The following TMEM132D variants were observed in gnomAD, a reference collection of about 807,000 sequenced individuals.
TMEM132D encodes transmembrane protein 132D, also known as mature OL transmembrane protein.
In TMEM132D, 21 loss-of-function variants were observed where a neutral mutation model predicts 62.3. The observed-to-expected ratio is 0.34, with a 90% CI of 0.24 to 0.49. TMEM132D has a LOEUF of 0.49. TMEM132D is among the 20% of genes least tolerant of loss of function. TMEM132D has a pLI of 0.99. For synonymous variants in TMEM132D, 621 were observed against 575.6 expected, an observed-to-expected ratio of 1.08 and a Z score of -1.13; for missense variants, 1,346 against 1,402.8, an observed-to-expected ratio of 0.96 and a Z score of 0.65.
chr12:129,417,364 G>A (rs943803223), intron 3 of TMEM132D, among the ~76,000 whole-genome samples: 1 of 152,116 alleles, frequency 6.6e-6, no homozygotes, highest in Admixed American at 6.6e-5. Flanking sequence ...GTAGACCAAT[G>A]GAACAGAACA....
intron 8 of TMEM132D, among the ~76,000 whole-genome samples, chr12:129,077,967 T>C (rs1445756482): frequency 6.6e-6 from 1 of 152,188 alleles, no homozygotes; most frequent in African/African-American, 2.4e-5. Flanking sequence ...CACACTCTAT[T>C]AGCTCACACT....
intron 2 of TMEM132D, among the ~76,000 whole-genome samples, chr12:129,547,216 G>C (rs1876761391): frequency 6.6e-6 from 1 of 152,134 alleles, no homozygotes; most frequent in Non-Finnish European, 1.5e-5. Context: ...CTTCCAGCAT[G>C]TCTGTGTCTT....
intron 4 of TMEM132D, among the ~76,000 whole-genome samples, chr12:129,283,896 CT>C (rs1447158712): frequency 6.6e-6 from 1 of 152,248 alleles, no homozygotes; most frequent in Non-Finnish European, 1.5e-5. Flanking sequence ...TAACTTCCCC[CT>C]GACCCCTTGA....
chr12:129,619,888 A>T (rs1002728411), intron 2 of TMEM132D, among the ~76,000 whole-genome samples: 3 of 152,238 alleles, frequency 2.0e-5, no homozygotes, highest in Admixed American at 6.5e-5. Flanking sequence ...TCCTAACAGA[A>T]CAGGAGCATT....
chr12:129,342,107 A>T (rs7312541), intron 3 of TMEM132D, among the ~76,000 whole-genome samples: 12 of 151,776 alleles, frequency 7.9e-5, no homozygotes, highest in African/African-American at 1.2e-4. Context: ...AAAAAGAGCC[A>T]GCATCGCCAA....
At chr12:129,574,421 A>C (rs2137121710) in intron 2 of TMEM132D, among the ~76,000 whole-genome samples, 1 of 152,068 alleles carries the variant, frequency 6.6e-6, no homozygotes, top group Non-Finnish European at 1.5e-5. Context: ...TAAAACCCTA[A>C]AAGTCAAAAA....
At chr12:129,755,771 C>T (rs1246105075) in intron 1 of TMEM132D, among the ~76,000 whole-genome samples, 1 of 152,166 alleles carries the variant, frequency 6.6e-6, no homozygotes, top group African/African-American at 2.4e-5. Context: ...ATGAGGAAAT[C>T]TCTCTCCACC....
intron 1 of TMEM132D, among the ~76,000 whole-genome samples, chr12:129,801,044 G>A (rs79632921): frequency 2.0e-4 from 30 of 152,300 alleles, no homozygotes; most frequent in African/African-American, 4.8e-4. Flanking sequence ...ATTATATCCC[G>A]CACCTGGCTC....
chr12:129,326,788 T>C (rs998880182), intron 4 of TMEM132D, among the ~76,000 whole-genome samples: 2 of 152,344 alleles, frequency 1.3e-5, no homozygotes, highest in South Asian at 2.1e-4. Flanking sequence ...ATAAGAACCA[T>C]AATTAACATA....
chr12:129,617,069 CTCCTG>C (rs1481612571), intron 2 of TMEM132D, among the ~76,000 whole-genome samples: 1 of 152,180 alleles, frequency 6.6e-6, no homozygotes, highest in Non-Finnish European at 1.5e-5. Context: ...ATTTCTCAGA[CTCCTG>C]TACTGCCAGA....
At chr12:129,685,951 C>T (rs180765930) in intron 2 of TMEM132D, among the ~76,000 whole-genome samples, 1 of 152,340 alleles carries the variant, frequency 6.6e-6, no homozygotes, top group Non-Finnish European at 1.5e-5. Flanking sequence ...TGACCAGTTT[C>T]TCCCATTTGG....
rs534765342 is a variant in TMEM132D, at chr12:129,827,154, C to A, written c.79+76107G>T. Among the ~76,000 whole-genome samples, 1 of 152,142 alleles carries A rather than the reference C, an allele frequency of 6.6e-6. No homozygotes were observed. The highest frequency in any genetic ancestry group is 6.5e-5 in the Admixed American group (1 of 15,270). On this transcript the variant is annotated intron_variant, in intron 1 of 8. Coordinates refer to ENST00000422113, the MANE Select transcript of TMEM132D (RefSeq NM_133448.3). The surrounding 1 kb of genome is among the most constrained non-coding windows in gnomAD (Gnocchi z 9.7). ...TTAATAATAGCAATTAATAATTAAG[C>A]GCGTCTCTATATTTGATCTTCTGCT...
intron 5 of TMEM132D, among the ~76,000 whole-genome samples, chr12:129,169,652 A>C (rs1335331921): frequency 2.6e-5 from 4 of 152,092 alleles, no homozygotes; most frequent in Non-Finnish European, 4.4e-5. Context: ...TTTTTTGTTT[A>C]TCTCTATATT....
rs269163 is a variant in TMEM132D at position 129,643,012 on chromosome 12, C to G, written c.968+56798G>C. ...CAATCTCGGCTCACTGCAACCTCTG[C>G]CTCCCAGGTTCAAGGGATTCTCCCG... On this transcript the variant is annotated intron_variant, in intron 2 of 8. Coordinates refer to ENST00000422113, the MANE Select transcript of TMEM132D (RefSeq NM_133448.3). Among the ~76,000 whole-genome samples, 1,171 of 147,884 alleles carry G rather than the reference C, an allele frequency of 7.9e-3. 11 individuals are homozygous for G. Among genetic ancestry groups the G allele is most frequent in the African/African-American group, 0.028 (1,099 of 39,644 alleles).
intron 2 of TMEM132D, among the ~76,000 whole-genome samples, chr12:129,611,844 A>G (rs776129488): frequency 3.3e-5 from 5 of 152,040 alleles, no homozygotes; most frequent in Non-Finnish European, 7.4e-5. Flanking sequence ...GATGAGCATA[A>G]ACCCTCAGCA....
intron 4 of TMEM132D, among the ~76,000 whole-genome samples, chr12:129,268,356 C>G (rs1252488436): frequency 1.3e-5 from 2 of 152,078 alleles, no homozygotes; most frequent in East Asian, 3.9e-4. Context: ...CAAACAACCC[C>G]ATCAAAAAAT....
intron 1 of TMEM132D, among the ~76,000 whole-genome samples, chr12:129,719,467 C>A (rs1233080339): frequency 6.6e-6 from 1 of 152,200 alleles, no homozygotes; most frequent in East Asian, 1.9e-4. Context: ...AATGATTTAT[C>A]TGTCAGTAGC....
chr12:129,754,548 T>C (rs1870103817), intron 1 of TMEM132D, among the ~76,000 whole-genome samples: 1 of 152,130 alleles, frequency 6.6e-6, no homozygotes, highest in South Asian at 2.1e-4. Flanking sequence ...GGTTCTTGGA[T>C]GATGTCAACA....
At chr12:129,871,398 G>A (rs776495180) in intron 1 of TMEM132D, among the ~76,000 whole-genome samples, 10 of 152,004 alleles carry the variant, frequency 6.6e-5, no homozygotes, top group South Asian at 4.2e-4. Context: ...AGGGTGTCTC[G>A]ATGACATATT....
Sources: allele counts gnomAD v4.1 joint callset (sites outside exome capture counted in the v4.1 genomes callset), GRCh38; gene constraint gnomAD v4.1.1; non-coding constraint Gnocchi (gnomAD v3.1); transcripts MANE v1.5; gene names NCBI Gene and HGNC (gene_info 2026-07-23, HGNC 2026-07-21).